The following FGF14 variants were observed in gnomAD, a reference collection of about 807,000 sequenced individuals.
The protein encoded by FGF14 is fibroblast growth factor homologous factor 4.
In FGF14, 5 loss-of-function variants were observed where a neutral mutation model predicts 25.5. That is an observed-to-expected ratio of 0.20 (90% CI 0.10 to 0.41). The LOEUF (loss-of-function observed/expected upper bound fraction) is 0.41. Ranked by LOEUF, FGF14 falls within the 10% of genes least tolerant of loss-of-function variation. The pLI is 1.00. For synonymous variants in FGF14, 138 were observed against 118.3 expected (o/e 1.17, Z -1.08); for missense variants, 222 against 320.1 (o/e 0.69, Z 2.34).
chr13:101,987,791 G>A (rs2038673232), intron 1 of FGF14, among the ~76,000 whole-genome samples: 1 of 151,882 alleles, frequency 6.6e-6, no homozygotes, highest in Non-Finnish European at 1.5e-5. Flanking sequence ...TTCATTATTA[G>A]TCTTAAGGAA....
At chr13:102,265,690 T>C (rs915728898) in intron 1 of FGF14, among the ~76,000 whole-genome samples, 2 of 152,206 alleles carry the variant, frequency 1.3e-5, no homozygotes, top group Non-Finnish European at 2.9e-5. Context: ...AATGACTAAA[T>C]AGAAGAATCA....
At chr13:102,293,822 A>G (rs1035958729) in intron 1 of FGF14, 3 of 152,228 alleles carry the variant, frequency 2.0e-5, no homozygotes, top group Admixed American at 1.3e-4. Flanking sequence ...TGTGATTTGA[A>G]GTGCTCTCAC....
chr13:101,826,626 T>A (rs367743713), intron 3 of FGF14, among the ~76,000 whole-genome samples: 6 of 152,194 alleles, frequency 3.9e-5, no homozygotes, highest in Admixed American at 2.6e-4. Context: ...CTTATATTCT[T>A]ATATAGTAAA....
Position 102,300,851 on chromosome 13 carries a change from A to G in FGF14, c.208+100620T>C, listed in dbSNP as rs147673791. On this transcript the variant is annotated intron_variant, in intron 1 of 4. Transcript: ENST00000376131. ...TCAGGGATCTTTTGCCCATCACAGA[A>G]CACTGATCTAAATTTGCTTATATTC... Among the ~76,000 whole-genome samples, 278 of 151,978 alleles carry G rather than the reference A, an allele frequency of 1.8e-3. 2 individuals are homozygous for G. Among genetic ancestry groups the G allele is most frequent in the African/African-American group, 6.2e-3 (257 of 41,468 alleles).
At chr13:102,029,600 G>C (rs2041109742) in intron 1 of FGF14, among the ~76,000 whole-genome samples, 1 of 152,122 alleles carries the variant, frequency 6.6e-6, no homozygotes, top group Non-Finnish European at 1.5e-5. Flanking sequence ...TCCAGGCTAT[G>C]ATTTTGAAGA....
chr13:102,349,175 G>A (rs2057201224), intron 1 of FGF14, among the ~76,000 whole-genome samples: 1 of 152,174 alleles, frequency 6.6e-6, no homozygotes, highest in African/African-American at 2.4e-5. Flanking sequence ...TGTCACTAGT[G>A]CTGCTGTTCA....
intron 1 of FGF14, among the ~76,000 whole-genome samples, chr13:102,346,968 A>C (rs915785310): frequency 5.9e-5 from 9 of 152,202 alleles, no homozygotes; most frequent in African/African-American, 2.2e-4. Context: ...TCTTGCACTG[A>C]TGCCCAGAAC....
chr13:102,285,654 T>G (rs2054058938), intron 1 of FGF14, among the ~76,000 whole-genome samples: 1 of 152,238 alleles, frequency 6.6e-6, no homozygotes, highest in South Asian at 2.1e-4. Context: ...AAGATAAATC[T>G]CTGTGAACTA....
intron 1 of FGF14, among the ~76,000 whole-genome samples, chr13:101,882,756 A>G (rs946286010): frequency 6.6e-6 from 1 of 152,120 alleles, no homozygotes; most frequent in Admixed American, 6.5e-5. Context: ...CATATCTAGA[A>G]CTATTTAGAG....
chr13:102,237,585 G>GGA (rs35181308), intron 1 of FGF14, among the ~76,000 whole-genome samples: 1 of 135,600 alleles, frequency 7.4e-6, no homozygotes, highest in South Asian at 2.4e-4. Context: ...TTACACTTCA[G>GGA]AAAAAAAAAA....
intron 1 of FGF14, among the ~76,000 whole-genome samples, chr13:102,386,812 T>C (rs1184509184): frequency 6.6e-6 from 1 of 152,254 alleles, no homozygotes. Flanking sequence ...TTCAAAGTTA[T>C]GTTCATACAA....
chr13:102,073,289 T>C (rs1380890011), intron 1 of FGF14, among the ~76,000 whole-genome samples: 1 of 152,048 alleles, frequency 6.6e-6, no homozygotes, highest in East Asian at 1.9e-4. Context: ...AAATAAATTG[T>C]AATAAAAGAT....
At chr13:102,383,085 G>T (rs1363856467) in intron 1 of FGF14, among the ~76,000 whole-genome samples, 1 of 151,778 alleles carries the variant, frequency 6.6e-6, no homozygotes, top group Non-Finnish European at 1.5e-5. Context: ...ACTTTAAAAG[G>T]GTAAATTTTA....
chr13:101,950,751 G>GTTTTTTTTTTT (rs61285721), intron 1 of FGF14, among the ~76,000 whole-genome samples: 26 of 131,966 alleles, frequency 2.0e-4, no homozygotes, highest in Non-Finnish European at 2.4e-4. Context: ...ACCTAATCAT[G>GTTTTTTTTTTT]TTTTTTTTTT....
At chr13:102,364,386 C>T (rs765607692) in intron 1 of FGF14, among the ~76,000 whole-genome samples, 2 of 152,208 alleles carry the variant, frequency 1.3e-5, no homozygotes, top group African/African-American at 4.8e-5. Context: ...GGACTCAATT[C>T]AGCCTTAGAA....
chr13:102,023,661 A>G (rs1259540000), intron 1 of FGF14, among the ~76,000 whole-genome samples: 3 of 152,034 alleles, frequency 2.0e-5, no homozygotes, highest in African/African-American at 7.2e-5. Context: ...GAATTTGCCA[A>G]TACTGGGCAA....
intron 3 of FGF14, among the ~76,000 whole-genome samples, chr13:101,744,284 C>T (rs9554823): frequency 6.6e-6 from 1 of 151,894 alleles, no homozygotes; most frequent in Non-Finnish European, 1.5e-5. Flanking sequence ...GAGACTTTAC[C>T]TATTTCAGGG....
At chr13:102,292,277 G>GAAA (rs1410240071) in intron 1 of FGF14, 1 of 26,932 alleles carries the variant, frequency 3.7e-5, no homozygotes, top group African/African-American at 2.3e-4. Context: ...ATACTCTATA[G>GAAA]CAAAAAAAAA....
chr13:101,828,235 G>T (rs2042494043), intron 3 of FGF14, among the ~76,000 whole-genome samples: 1 of 151,974 alleles, frequency 6.6e-6, no homozygotes, highest in Non-Finnish European at 1.5e-5. Flanking sequence ...TCAATCTGCA[G>T]ACGCCAATAT....
Sources: allele counts gnomAD v4.1 joint callset (sites outside exome capture counted in the v4.1 genomes callset), GRCh38; gene constraint gnomAD v4.1.1; transcripts MANE v1.5; gene names NCBI Gene and HGNC (gene_info 2026-07-23, HGNC 2026-07-21).